Variants in GRHPR observed in about 807,000 individuals in gnomAD.
GRHPR encodes the protein glyoxylate and hydroxypyruvate reductase, also known as glyoxylate reductase/hydroxypyruvate reductase.
Under a neutral mutation model 36.8 loss-of-function variants are expected in GRHPR, and 35 were observed. The observed-to-expected ratio is 0.95, with a 90% CI of 0.73 to 1.26. The LOEUF (loss-of-function observed/expected upper bound fraction) is 1.26. GRHPR is among the 50% of genes most tolerant of loss of function. The pLI is 0.00. For synonymous variants in GRHPR, 179 were observed against 181.0 expected (o/e 0.99, Z 0.09); for missense variants, 380 against 435.0 (o/e 0.87, Z 1.12).
At chr9:37,426,432 C>G in intron 3 of GRHPR, 106 bp from the exon 4 acceptor site, 1 of 825,236 alleles carries the variant, frequency 1.2e-6, no homozygotes, top group Non-Finnish European at 2.2e-6. Context: ...AGCTTCCTGG[C>G]AGGCAGATCA....
At chr9:37,426,413 A>G (rs1174702406) in intron 3 of GRHPR, 125 bp from the exon 4 acceptor site, 4 of 789,042 alleles carry the variant, frequency 5.1e-6, no homozygotes, top group Admixed American at 3.4e-5. Context: ...GTGCTCATTT[A>G]TAGTTCTGAG....
At chr9:37,428,733 G>T in intron 5 of GRHPR, 161 bp downstream of exon 5, 1 of 706,280 alleles carries the variant, frequency 1.4e-6, no homozygotes. Flanking sequence ...TAAAACACAG[G>T]CAAATACATA....
chr9:37,428,723 T>G (rs1823208003), intron 5 of GRHPR, 151 bp downstream of exon 5: 1 of 712,038 alleles, frequency 1.4e-6, no homozygotes, highest in Admixed American at 2.0e-5. Flanking sequence ...TACAGCTTTG[T>G]AAAACACAGG....
upstream of GRHPR, chr9:37,422,670 C>T: frequency 8.6e-7 from 1 of 1,166,490 alleles, no homozygotes; most frequent in Non-Finnish European, 1.3e-6. Context: ...CCGCCCACTC[C>T]AGCCTGGCCC....
At chr9:37,437,195 G>A (rs1277486801), downstream of GRHPR, among the ~76,000 whole-genome samples, 1 of 151,894 alleles carries the variant, frequency 6.6e-6, no homozygotes, top group Non-Finnish European at 1.5e-5. Flanking sequence ...TTCCTGCAGT[G>A]TGCTATGATC....
downstream of GRHPR, chr9:37,437,967 G>A (rs1473441686): frequency 6.6e-6 from 1 of 152,232 alleles, no homozygotes; most frequent in Non-Finnish European, 1.5e-5. Context: ...AGAAGGGAAT[G>A]ATTTGAGAGG....
chr9:37,425,992 G>C lies in GRHPR; in HGVS notation c.285G>C (p.Lys95Asn). ...IDHLALDEIK[K>N]RGIRVGYTPD... ...ACTTGGCTTTGGATGAAATCAAGAAGCGGTAACTGCAGCTTGGGATCTGGA... is the reference window on the plus strand; with the variant it reads ...ACTTGGCTTTGGATGAAATCAAGAACCGGTAACTGCAGCTTGGGATCTGGA... Residue 95 changes from lysine (K) to asparagine (N), a missense_variant and splice_region_variant, in exon 3 of 9, where the codon AAG becomes AAC. Coordinates refer to ENST00000318158, the MANE Select transcript of GRHPR (RefSeq NM_012203.2). 1.2e-6 allele frequency: 2 copies of C among 1,606,420 alleles called. No individual in the cohort carries two copies. Among genetic ancestry groups the C allele is most frequent in the Non-Finnish European group, 1.7e-6 (2 of 1,173,004 alleles).
At chr9:37,426,063 G>A (rs1352094523) in intron 3 of GRHPR, 69 bp downstream of exon 3, 9 of 1,098,592 alleles carry the variant, frequency 8.2e-6, no homozygotes, top group Non-Finnish European at 1.3e-5. Flanking sequence ...AAGAGCTGTT[G>A]ATTTGTTTTT....
chr9:37,433,212 G>C (rs1361332912), intron 8 of GRHPR, among the ~76,000 whole-genome samples: 1 of 150,964 alleles, frequency 6.6e-6, no homozygotes, highest in African/African-American at 2.4e-5. Flanking sequence ...TGCTACCACA[G>C]TGCAGTGGTT....
rs114139064 is a variant in GRHPR at position 37,434,414 on chromosome 9, A to G, written c.866-2247A>G. ...CTTCCACTATAGTATGGAGAATGTCAAGGGGTCAGACTGTGTAGACCAATT... is the reference window on the plus strand; with the variant it reads ...CTTCCACTATAGTATGGAGAATGTCGAGGGGTCAGACTGTGTAGACCAATT... On this transcript the variant is annotated intron_variant, in intron 8 of 8. Coordinates refer to ENST00000318158, the MANE Select transcript of GRHPR (RefSeq NM_012203.2). 2.3e-3 allele frequency: 1,230 copies of G among 527,802 alleles called. 14 individuals carry two copies. Among genetic ancestry groups the G allele is most frequent in the African/African-American group, 0.02 (1,028 of 51,856 alleles). 32.7% of individuals were successfully genotyped at this position (527,802 alleles called of 1,614,324 possible).
intron 3 of GRHPR, 190 bp downstream of exon 3, chr9:37,426,184 A>G (rs933589652): frequency 2.9e-5 from 18 of 624,472 alleles, no homozygotes; most frequent in Non-Finnish European, 4.9e-5. Flanking sequence ...AACAGTGGGT[A>G]ACTTCTGTGT....
intron 4 of GRHPR, 169 bp from the exon 5 acceptor site, chr9:37,428,315 T>C: frequency 1.5e-6 from 1 of 685,178 alleles, no homozygotes. Flanking sequence ...GGTGGAGTCG[T>C]TTCTGCTGCT....
At position 37,424,882 on chromosome 9, in the gene GRHPR, C is replaced by T. The variant is rs773348414; in HGVS notation, c.121C>T (p.Pro41Ser). 8 of 1,613,634 alleles carry T rather than the reference C, an allele frequency of 5.0e-6. No homozygotes were observed. The highest frequency in any genetic ancestry group is 6.8e-6 in the Non-Finnish European group (8 of 1,179,898). ...GCAGTGGGACTCGGATGAGCCCATC[C>T]CTGCCAAGGAGCTAGAGCGAGGTGT... ...VEQWDSDEPI[P>S]AKELERGVAG... Residue 41 changes from proline to serine, a missense_variant, in exon 2 of 9, where the codon CCT becomes TCT. Pro to Ser is a moderately conservative substitution (Grantham distance 74). Coordinates refer to ENST00000318158, the MANE Select transcript of GRHPR (RefSeq NM_012203.2).
intron 4 of GRHPR, chr9:37,428,227 T>C (rs1823177275): frequency 3.5e-6 from 2 of 575,176 alleles, no homozygotes; most frequent in South Asian, 4.1e-5. Context: ...TCTGGTTTGT[T>C]TTCCCATCTG....
intron 5 of GRHPR, 79 bp downstream of exon 5, chr9:37,428,651 C>T (rs762078399): frequency 6.5e-5 from 59 of 909,314 alleles, no homozygotes; most frequent in Non-Finnish European, 1.6e-5. Context: ...TGTCTGAAGG[C>T]TGAGAAGACC....
chr9:37,430,806 G>C, intron 7 of GRHPR, 160 bp downstream of exon 7: 4 of 733,318 alleles, frequency 5.5e-6, no homozygotes, highest in Non-Finnish European at 9.9e-6. Context: ...GGGAATACAC[G>C]AGACCTCCGT....
chr9:37,428,056 C>T (rs948338476), intron 4 of GRHPR: 24 of 314,398 alleles, frequency 7.6e-5, no homozygotes, highest in Non-Finnish European at 5.0e-5. Context: ...TCAGGGCAGG[C>T]TCCATCTCTT....
chr9:37,438,552 G>C (rs780128661), downstream of GRHPR: 1 of 152,210 alleles, frequency 6.6e-6, no homozygotes, highest in Non-Finnish European at 1.5e-5. Flanking sequence ...AGAGGTAAGC[G>C]GGCAGGCTCC....
chr9:37,436,921 T>G lies in GRHPR; in HGVS notation c.*139T>G. ...GAAAGAGTGATTCTGATATATGTAC[T>G]TGTCACATTGGTGTTGGACACATTT... On this transcript the variant is annotated 3_prime_UTR_variant, in exon 9 of 9. Transcript: ENST00000318158. 1.1e-6 allele frequency: 1 copy of G among 917,694 alleles called. No homozygotes were observed. Among genetic ancestry groups the G allele is most frequent in the Non-Finnish European group, 1.8e-6 (1 of 560,890 alleles). The allele number at this position is 917,694 out of a possible 1,614,324, so 56.8% of individuals were successfully genotyped here.
Sources: allele counts gnomAD v4.1 joint callset (sites outside exome capture counted in the v4.1 genomes callset), GRCh38; gene constraint gnomAD v4.1.1; transcripts MANE v1.5; gene names NCBI Gene and HGNC (gene_info 2026-07-23, HGNC 2026-07-21).